Variants in ERBIN observed in about 807,000 individuals in gnomAD.
ERBIN encodes the protein densin-180-like protein.
ERBIN carries 60 observed loss-of-function variants against 158.4 expected under a neutral mutation model. The ratio of observed to expected loss-of-function variants is 0.38; its 90% CI spans 0.31 to 0.47. The LOEUF (loss-of-function observed/expected upper bound fraction) is 0.47, where lower values mean the gene tolerates loss of function less well. Ranked by LOEUF, ERBIN falls within the 20% of genes least tolerant of loss-of-function variation. The pLI is 0.99. For synonymous variants in ERBIN, 594 were observed against 557.2 expected, an observed-to-expected ratio of 1.07 and a Z score of -0.93; for missense variants, 1,610 against 1,648.0, an observed-to-expected ratio of 0.98 and a Z score of 0.40.
chr5:66,064,930 C>T (rs1760829086), intron 21 of ERBIN, among the ~76,000 whole-genome samples: 2 of 152,096 alleles, frequency 1.3e-5, no homozygotes, highest in African/African-American at 4.8e-5. Context: ...AAACTCCTGG[C>T]CTCAAGCAAT....
chr5:66,053,409 A>C lies in ERBIN; in HGVS notation c.2091A>C (p.Gln697His). Residue 697 changes from glutamine to histidine, a missense_variant, in exon 21 of 26, where the codon CAA (glutamine) becomes CAC (histidine). By Grantham distance (24) the Gln-to-His change is conservative. Transcript: ENST00000284037. Reference protein sequence around the residue: ...THIDINSKIRQEDENFNSLLQ... With the variant: ...THIDINSKIRHEDENFNSLLQ... ...CATAAAATTATCTTTATTTTAGGCA[A>C]GAAGATGAAAATTTTAACAGCCTTT... 1 of 1,448,840 alleles carries C rather than the reference A, an allele frequency of 6.9e-7. No homozygotes were observed. The highest frequency in any genetic ancestry group is 1.7e-5 in the South Asian group (1 of 58,146). 89.7% of individuals were successfully genotyped at this position (1,448,840 alleles called of 1,614,324 possible). A position where few individuals can be genotyped will look rare whatever the true frequency, so the allele number is the denominator to read the frequency against.
intron 4 of ERBIN, among the ~76,000 whole-genome samples, chr5:65,995,314 C>T (rs1385098464): frequency 6.6e-6 from 1 of 152,008 alleles, no homozygotes; most frequent in African/African-American, 2.4e-5. Context: ...CCCTGGTAAC[C>T]ACCATGCTAC....
At chr5:66,065,669 G>T (rs1760921124) in intron 21 of ERBIN, among the ~76,000 whole-genome samples, 1 of 139,846 alleles carries the variant, frequency 7.2e-6, no homozygotes, top group Non-Finnish European at 1.5e-5. Flanking sequence ...GTTTTGCTTT[G>T]TATGTGAACC....
At chr5:66,005,960 G>C (rs1351827492) in intron 4 of ERBIN, among the ~76,000 whole-genome samples, 2 of 152,026 alleles carry the variant, frequency 1.3e-5, no homozygotes, top group Non-Finnish European at 2.9e-5. Context: ...CGTGAAAATG[G>C]CCATACTGCC....
chr5:65,932,247 G>T (rs1399573895), intron 1 of ERBIN, among the ~76,000 whole-genome samples: 1 of 151,228 alleles, frequency 6.6e-6, no homozygotes, highest in Non-Finnish European at 1.5e-5. Context: ...GCTGAGGCAG[G>T]AGAATTGCCT....
Position 65,927,216 on chromosome 5 carries a change from T to C in ERBIN, c.-58+410T>C, listed in dbSNP as rs79042110. Among the ~76,000 whole-genome samples the C allele has an allele frequency of 9.2e-3, 1,401 of 152,236 alleles. 11 individuals are homozygous for C. Among genetic ancestry groups the C allele is most frequent in the Non-Finnish European group, 0.013 (874 of 67,970 alleles). ...CGCTGCAGTGAGTGATTTGCTGTTA[T>C]TGAGATGGCTGCCGCGTTTGTTTAT... On this transcript the variant is annotated intron_variant, in intron 1 of 25. Coordinates refer to ENST00000284037, the MANE Select transcript of ERBIN (RefSeq NM_001253697.2).
At chr5:65,977,321 G>A (rs1314532033) in intron 1 of ERBIN, among the ~76,000 whole-genome samples, 3 of 151,156 alleles carry the variant, frequency 2.0e-5, no homozygotes, top group East Asian at 2.0e-4. Flanking sequence ...CCTCCCGGAC[G>A]AGGTGGCTGC....
intron 1 of ERBIN, among the ~76,000 whole-genome samples, chr5:65,956,743 A>G (rs191927813): frequency 4.6e-5 from 7 of 152,140 alleles, no homozygotes; most frequent in Non-Finnish European, 8.8e-5. Flanking sequence ...CCTGAACACA[A>G]GTTGTGCATT....
In ERBIN at chr5:66,010,314, G is replaced by C. The variant is rs899991210; in HGVS notation, c.308-1735G>C. On this transcript the variant is annotated intron_variant, in intron 4 of 25. Coordinates refer to ENST00000284037, the MANE Select transcript of ERBIN (RefSeq NM_001253697.2). The stretch of plus-strand genomic sequence containing the variant: ...GGCAAGTATATGTCCAAAGTGATAT[G>C]ATATTGTTTTTGAGTACATCTCAGA... Among the ~76,000 whole-genome samples, 4 of 152,058 alleles carry C rather than the reference G, an allele frequency of 2.6e-5. 1 individual carries two copies. Among genetic ancestry groups the C allele is most frequent in the Non-Finnish European group, 5.9e-5 (4 of 68,000 alleles).
At chr5:66,045,142 CT>C (rs1758300771) in intron 17 of ERBIN, among the ~76,000 whole-genome samples, 2 of 151,802 alleles carry the variant, frequency 1.3e-5, no homozygotes, top group African/African-American at 4.8e-5. Context: ...TCCCTTGAGC[CT>C]AGGAGTTCAA....
chr5:66,027,999 T>C (rs935490901), intron 13 of ERBIN, among the ~76,000 whole-genome samples: 3 of 152,092 alleles, frequency 2.0e-5, no homozygotes, highest in African/African-American at 7.2e-5. Flanking sequence ...AATTAATTTT[T>C]CAACAGATTT....
intron 1 of ERBIN, among the ~76,000 whole-genome samples, chr5:65,934,842 A>G (rs1561262464): frequency 6.6e-6 from 1 of 152,238 alleles, no homozygotes; most frequent in Non-Finnish European, 1.5e-5. Flanking sequence ...ATGCATTACT[A>G]TTTATTTTGG....
At chr5:66,075,350 T>C in intron 23 of ERBIN, 120 bp downstream of exon 23, 1 of 826,782 alleles carries the variant, frequency 1.2e-6, no homozygotes, top group Non-Finnish European at 1.9e-6. Context: ...TTTAAAGTTT[T>C]ATTTTTATGT....
intron 1 of ERBIN, among the ~76,000 whole-genome samples, chr5:65,979,440 CA>C (rs1044264217): frequency 6.6e-6 from 1 of 152,034 alleles, no homozygotes; most frequent in African/African-American, 2.4e-5. Flanking sequence ...ACCCGCAAAC[CA>C]AATGAGTAAA....
At chr5:65,955,012 CT>C (rs1457240100) in intron 1 of ERBIN, among the ~76,000 whole-genome samples, 1 of 152,014 alleles carries the variant, frequency 6.6e-6, no homozygotes, top group African/African-American at 2.4e-5. Context: ...TTGCAGTGAG[CT>C]GAAATTGCCC....
chr5:65,941,543 G>A, intron 1 of ERBIN, among the ~76,000 whole-genome samples: 1 of 152,072 alleles, frequency 6.6e-6, no homozygotes, highest in East Asian at 1.9e-4. Flanking sequence ...CATAGATACT[G>A]AGGGATGACT....
At chr5:66,047,932 T>G (rs756250118) in intron 18 of ERBIN, among the ~76,000 whole-genome samples, 2 of 151,854 alleles carry the variant, frequency 1.3e-5, no homozygotes, top group African/African-American at 2.4e-5. Context: ...TGCAAATATA[T>G]ATAATTAAGG....
intron 18 of ERBIN, among the ~76,000 whole-genome samples, chr5:66,047,181 G>C (rs1758526981): frequency 6.6e-6 from 1 of 152,024 alleles, no homozygotes; most frequent in African/African-American, 2.4e-5. Context: ...ATATGCCTCT[G>C]TAAATTTGCC....
chr5:65,976,669 C>T (rs1195790501), intron 1 of ERBIN, among the ~76,000 whole-genome samples: 21 of 151,280 alleles, frequency 1.4e-4, no homozygotes, highest in African/African-American at 4.6e-4. Context: ...TGCGGCCTTC[C>T]GCAGTGTTTG....
Sources: allele counts gnomAD v4.1 joint callset (sites outside exome capture counted in the v4.1 genomes callset), GRCh38; gene constraint gnomAD v4.1.1; transcripts MANE v1.5; gene names NCBI Gene and HGNC (gene_info 2026-07-23, HGNC 2026-07-21).